The following SMOC2 variants were observed in gnomAD, a reference collection of about 807,000 sequenced individuals.
SMOC2 encodes the protein SPARC related modular calcium binding 2.
SMOC2 carries 39 observed loss-of-function variants against 61.4 expected under a neutral mutation model. That is an observed-to-expected ratio of 0.64 (90% CI 0.49 to 0.83). The LOEUF (loss-of-function observed/expected upper bound fraction) is 0.83. Ranked by LOEUF, SMOC2 falls within the 40% of genes least tolerant of loss-of-function variation. The probability of loss-of-function intolerance (pLI) is 0.00; values close to 1 mark genes in which losing one functional copy is unlikely to be tolerated. For synonymous variants in SMOC2, 247 were observed against 239.9 expected (o/e 1.03, Z -0.27); for missense variants, 556 against 592.9 (o/e 0.94, Z 0.65).
chr6:168,548,775 G>A (rs1219070887), intron 6 of SMOC2, among the ~76,000 whole-genome samples: 1 of 152,146 alleles, frequency 6.6e-6, no homozygotes, highest in Non-Finnish European at 1.5e-5. Context: ...TCTTTCAACT[G>A]AGTGAAAACG....
In SMOC2 at chr6:168,533,997, G is replaced by A. The variant is rs1197618455; in HGVS notation, c.463+6270G>A. Among the ~76,000 whole-genome samples the A allele has an allele frequency of 2.0e-5, 3 of 152,158 alleles. 1 individual carries two copies. Among genetic ancestry groups the A allele is most frequent in the African/African-American group, 2.4e-5 (1 of 41,420 alleles). ...GTGGTGGCTCTTGCTTGTAATCCCA[G>A]CACTGTGGGAGGCTAAGGCAGGGGG... is the stretch of plus-strand genomic sequence containing the variant. On this transcript the variant is annotated intron_variant, in intron 4 of 12. Transcript: ENST00000356284.
intron 12 of SMOC2, 60 bp downstream of exon 12, chr6:168,664,171 T>C: frequency 7.3e-7 from 1 of 1,369,042 alleles, no homozygotes; most frequent in South Asian, 1.2e-5. Flanking sequence ...ACAATAAAAA[T>C]TCAGAGTTAT....
chr6:168,548,804 G>T (rs1784066034), intron 6 of SMOC2, among the ~76,000 whole-genome samples: 1 of 152,148 alleles, frequency 6.6e-6, no homozygotes, highest in Non-Finnish European at 1.5e-5. Context: ...TATGTGAATA[G>T]CCATTTTAAC....
At chr6:168,467,310 G>GTTTTTT (rs10717480) in intron 1 of SMOC2, among the ~76,000 whole-genome samples, 1 of 145,880 alleles carries the variant, frequency 6.9e-6, no homozygotes, top group East Asian at 2.0e-4. Flanking sequence ...CCCTGCTAAG[G>GTTTTTT]TTTTTTTTTT....
chr6:168,447,585 A>G (rs1356664905), intron 1 of SMOC2, among the ~76,000 whole-genome samples: 1 of 152,160 alleles, frequency 6.6e-6, no homozygotes, highest in African/African-American at 2.4e-5. Flanking sequence ...AGCCGAGGGC[A>G]GACATTTTTG....
At chr6:168,462,578 C>G (rs1395941968) in intron 1 of SMOC2, among the ~76,000 whole-genome samples, 2 of 152,162 alleles carry the variant, frequency 1.3e-5, no homozygotes, top group East Asian at 3.9e-4. Context: ...TCCCAGATGT[C>G]TCATGGGCTC....
Position 168,622,122 on chromosome 6 carries a change from C to T in SMOC2, c.907+13883C>T, listed in dbSNP as rs975253981. ...CTGGGACTACAGGCGCCTGCCACCA[C>T]GCCTGGCTAATTTTTTTGTATTTTT... is the stretch of plus-strand genomic sequence containing the variant. On this transcript the variant is annotated intron_variant, in intron 9 of 12. Coordinates refer to ENST00000356284, the MANE Select transcript of SMOC2 (RefSeq NM_001166412.2). Among the ~76,000 whole-genome samples, 10 of 152,018 alleles carry T rather than the reference C, an allele frequency of 6.6e-5. No individual in the cohort carries two copies. The South Asian group carries it at 1.9e-3, about 28-fold the overall frequency.
In SMOC2 at chr6:168,537,657, G is replaced by A. The variant is rs540809917; in HGVS notation, c.464-5968G>A. On this transcript the variant is annotated intron_variant, in intron 4 of 12. Transcript: ENST00000356284. Reference sequence around the variant, plus strand: ...CTGGTTGGCTTCTCACAGGCCTGGAGCCCCTAAGAACACAGGACCGCTGCT... The same window carrying A: ...CTGGTTGGCTTCTCACAGGCCTGGAACCCCTAAGAACACAGGACCGCTGCT... Among the ~76,000 whole-genome samples, 4 of 152,362 alleles carry A rather than the reference G, an allele frequency of 2.6e-5. No individual in the cohort carries two copies. In the South Asian group the frequency reaches 8.3e-4, roughly 32 times the overall value.
chr6:168,579,704 G>A (rs944527133), intron 7 of SMOC2, among the ~76,000 whole-genome samples: 8 of 152,174 alleles, frequency 5.3e-5, no homozygotes, highest in African/African-American at 7.2e-5. Flanking sequence ...GGCATCACGC[G>A]GAGATACTCC....
chr6:168,476,446 G>T (rs577341615), intron 1 of SMOC2, among the ~76,000 whole-genome samples: 1 of 151,304 alleles, frequency 6.6e-6, no homozygotes, highest in Non-Finnish European at 1.5e-5. Flanking sequence ...GCAGTACTGA[G>T]CAGTTGGCAA....
intron 1 of SMOC2, among the ~76,000 whole-genome samples, chr6:168,462,397 C>T (rs1046750330): frequency 2.6e-5 from 4 of 152,112 alleles, no homozygotes; most frequent in African/African-American, 9.7e-5. Context: ...TTATCGTTTC[C>T]CGGCATCCTG....
intron 1 of SMOC2, among the ~76,000 whole-genome samples, chr6:168,479,692 G>A (rs976973176): frequency 5.3e-5 from 8 of 152,180 alleles, no homozygotes; most frequent in Admixed American, 2.0e-4. Context: ...ATCAGAGTGC[G>A]GAGAAAGACC....
intron 1 of SMOC2, among the ~76,000 whole-genome samples, chr6:168,479,516 G>A (rs527571042): frequency 2.6e-5 from 4 of 152,306 alleles, no homozygotes; most frequent in Admixed American, 1.3e-4. Context: ...GAACTCTGGA[G>A]TCCATTGAAA....
chr6:168,533,367 C>T (rs145225178), intron 4 of SMOC2, among the ~76,000 whole-genome samples: 23 of 152,336 alleles, frequency 1.5e-4, no homozygotes, highest in African/African-American at 5.5e-4. Context: ...TGTCCTCCAT[C>T]TGAAATGGTG....
rs12111003 is a variant in SMOC2, at chr6:168,526,533, G to T, written c.363+81G>T. ...GAGCGGGTGTGGGGAGAAGGCAGGT[G>T]GGGGGAGCCGAACAGAAGAAGCAGC... On this transcript the variant is annotated intron_variant, in intron 3 of 12. Coordinates refer to ENST00000356284, the MANE Select transcript of SMOC2 (RefSeq NM_001166412.2). 6.9e-5 allele frequency: 78 copies of T among 1,135,862 alleles called. No individual in the cohort carries two copies. The East Asian group carries it at 8.5e-4, about 12-fold the overall frequency. 70.4% of individuals were successfully genotyped at this position (1,135,862 alleles called of 1,614,324 possible).
intron 1 of SMOC2, among the ~76,000 whole-genome samples, chr6:168,479,179 T>G (rs374545645): frequency 2.1e-5 from 3 of 145,340 alleles, no homozygotes; most frequent in African/African-American, 5.1e-5. Flanking sequence ...AAGGAGTCAG[T>G]AACGTTGAAT....
At chr6:168,632,576 C>T (rs12208575) in intron 9 of SMOC2, among the ~76,000 whole-genome samples, 34,057 of 152,066 alleles carry the variant, frequency 0.22, 4,080 homozygotes, top group Non-Finnish European at 0.26. Flanking sequence ...ACTTTGGCTT[C>T]GTTGTATTTC....
chr6:168,629,555 A>C (rs1786511922), intron 9 of SMOC2, among the ~76,000 whole-genome samples: 1 of 152,220 alleles, frequency 6.6e-6, no homozygotes, highest in Admixed American at 6.5e-5. Flanking sequence ...TACTGTCCGC[A>C]AATCATTTGT....
At chr6:168,487,952 G>T (rs927371802) in intron 1 of SMOC2, among the ~76,000 whole-genome samples, 1 of 152,174 alleles carries the variant, frequency 6.6e-6, no homozygotes, top group African/African-American at 2.4e-5. Flanking sequence ...GGAATTTTAT[G>T]TGACAGCATA....
Sources: allele counts gnomAD v4.1 joint callset (sites outside exome capture counted in the v4.1 genomes callset), GRCh38; gene constraint gnomAD v4.1.1; transcripts MANE v1.5; gene names NCBI Gene and HGNC (gene_info 2026-07-23, HGNC 2026-07-21).